SLCO2A1: variants seen among roughly 807,000 people sequenced by gnomAD.
The protein encoded by SLCO2A1 is matrin F/G 1.
A neutral mutation model predicts 71.7 loss-of-function variants in SLCO2A1; 60 were observed. The ratio of observed to expected loss-of-function variants is 0.84; its 90% CI spans 0.68 to 1.04. The LOEUF is 1.04. Ranked by LOEUF, SLCO2A1 falls within the 50% of genes least tolerant of loss-of-function variation. The probability of loss-of-function intolerance (pLI) is 0.00; values close to 1 mark genes in which losing one functional copy is unlikely to be tolerated. For missense variants in SLCO2A1, 745 were observed against 813.4 expected, an observed-to-expected ratio of 0.92 and a Z score of 1.02; for synonymous variants, 308 against 326.7, an observed-to-expected ratio of 0.94 and a Z score of 0.62.
At chr3:133,996,153 A>C (rs1482975123) in intron 1 of SLCO2A1, among the ~76,000 whole-genome samples, 1 of 152,206 alleles carries the variant, frequency 6.6e-6, no homozygotes, top group Non-Finnish European at 1.5e-5. Context: ...GGTTTCATCA[A>C]GAAGAAGTTA....
At chr3:134,012,401 T>C (rs141357394) in intron 1 of SLCO2A1, among the ~76,000 whole-genome samples, 277 of 152,096 alleles carry the variant, frequency 1.8e-3, no homozygotes, top group African/African-American at 6.5e-3. Context: ...ATGCCTGGGG[T>C]GCTACAATGT....
intron 3 of SLCO2A1, among the ~76,000 whole-genome samples, chr3:133,958,600 A>C (rs979684741): frequency 4.6e-5 from 7 of 152,098 alleles, no homozygotes; most frequent in African/African-American, 1.7e-4. Flanking sequence ...ATTTATACAA[A>C]CCCACCTGAC....
chr3:133,938,406 G>T lies in SLCO2A1; in HGVS notation c.1690+23C>A, dbSNP rs773299292. The T allele has an allele frequency of 1.2e-5, 20 of 1,611,812 alleles. No individual in the cohort carries two copies. The Admixed American group carries it at 3.0e-4, about 24-fold the overall frequency. On this transcript the variant is annotated intron_variant, in intron 12 of 13. Transcript: ENST00000310926. ...CCCATCGCCTGGGGCCACTTCTTGG[G>T]AAGAGGGGTCTTAGACACTTACCCA...
In SLCO2A1 at chr3:133,937,368, G is replaced by C. The variant is rs73861261; in HGVS notation, c.1690+1061C>G. On this transcript the variant is annotated intron_variant, in intron 12 of 13. Coordinates refer to ENST00000310926, the MANE Select transcript of SLCO2A1 (RefSeq NM_005630.3). Reference sequence around the variant, plus strand: ...GGCAGCAGGAGCAGGGTCTGAAGGGGCTCTGCAGGGACTAGAGGAACAAGA... The same window carrying C: ...GGCAGCAGGAGCAGGGTCTGAAGGGCCTCTGCAGGGACTAGAGGAACAAGA... Among the ~76,000 whole-genome samples, 1,100 of 152,294 alleles carry C rather than the reference G, an allele frequency of 7.2e-3. 18 individuals are homozygous for C. Among genetic ancestry groups the C allele is most frequent in the African/African-American group, 0.025 (1,048 of 41,566 alleles).
rs182366238 is a variant in SLCO2A1 at position 134,005,583 on chromosome 3, G to A, written c.96+24124C>T. 1.1e-3 allele frequency among the ~76,000 whole-genome samples: 160 copies of A among 149,808 alleles called. 1 individual carries two copies. In the East Asian group the frequency reaches 0.021, roughly 19 times the overall value. The stretch of plus-strand genomic sequence containing the variant: ...TGCAACCTCCGCTTCCCGGGTTCAC[G>A]CCATTCTCCTGTCTCAGCCTCCCGA... On this transcript the variant is annotated intron_variant, in intron 1 of 13. Transcript: ENST00000310926.
intron 1 of SLCO2A1, among the ~76,000 whole-genome samples, chr3:134,010,751 C>CAAAAAAAAAAAAA (rs57260052): frequency 5.6e-5 from 4 of 70,878 alleles, no homozygotes; most frequent in African/African-American, 1.5e-4. Context: ...AGACTCTGTC[C>CAAAAAAAAAAAAA]AAAAAAAAAA....
rs555432256 is a variant in SLCO2A1, at chr3:134,013,268, T to C, written c.96+16439A>G. The stretch of plus-strand genomic sequence containing the variant: ...CCCCAAATACACTGTAAATCAAAGT[T>C]ACAGGAGGAAGTTTTCAAAAGGGCC... On this transcript the variant is annotated intron_variant, in intron 1 of 13. Transcript: ENST00000310926. Among the ~76,000 whole-genome samples, 4 of 152,270 alleles carry C rather than the reference T, an allele frequency of 2.6e-5. No individual in the cohort carries two copies. The South Asian group carries it at 8.3e-4, about 32-fold the overall frequency.
chr3:133,960,052 G>A (rs1000173565), intron 3 of SLCO2A1, among the ~76,000 whole-genome samples: 6 of 152,018 alleles, frequency 3.9e-5, no homozygotes, highest in South Asian at 2.1e-4. Flanking sequence ...CCCAGGAAGC[G>A]GAGCTTGCAG....
intron 1 of SLCO2A1, among the ~76,000 whole-genome samples, chr3:134,029,500 A>G (rs1031457225): frequency 6.7e-6 from 1 of 149,668 alleles, no homozygotes; most frequent in Non-Finnish European, 1.5e-5. Context: ...TCGCACGCAC[A>G]CACACACGCT....
Position 133,981,365 on chromosome 3 carries a change from C to T in SLCO2A1, c.97-1747G>A, listed in dbSNP as rs537728184. ...TCTGGCCTGGACCAGGGAACAATCT[C>T]GGTTTGTGTGTGCTTTTCCCCCTTC... On this transcript the variant is annotated intron_variant, in intron 1 of 13. Transcript: ENST00000310926. Among the ~76,000 whole-genome samples, 11 of 152,284 alleles carry T rather than the reference C, an allele frequency of 7.2e-5. No individual in the cohort carries two copies. In the South Asian group the frequency reaches 1.5e-3, roughly 20 times the overall value.
intron 6 of SLCO2A1, chr3:133,949,189 T>C: frequency 1.7e-6 from 1 of 580,272 alleles, no homozygotes; most frequent in Non-Finnish European, 3.1e-6. Context: ...TCAGAACACA[T>C]CTATGCCAAT....
intron 1 of SLCO2A1, among the ~76,000 whole-genome samples, chr3:134,022,028 T>C (rs1407753654): frequency 6.6e-6 from 1 of 150,792 alleles, no homozygotes; most frequent in African/African-American, 2.4e-5. Flanking sequence ...GAAACCTCAT[T>C]GTGAGCACAC....
Position 133,938,477 on chromosome 3 carries a change from C to A in SLCO2A1, c.1642G>T (p.Glu548Ter). 1 of 1,614,130 alleles carries A rather than the reference C, an allele frequency of 6.2e-7. No individual in the cohort carries two copies. The highest frequency in any genetic ancestry group is 8.5e-7 in the Non-Finnish European group (1 of 1,180,010). The change falls in exon 12 of 14, where the codon GAA (glutamate) becomes TAA (stop). Residue 548 changes from glutamate (E) to a stop codon, truncating the protein, a stop_gained. Transcript: ENST00000310926. LOFTEE classifies it high-confidence loss of function. ...MMVLRVVNQE[E>*]KSFAIGVQFL... ...TGCACCCCGATGGCAAATGACTTTT[C>A]CTCCTGGTTCACCACACTGAAAAGA...
chr3:133,960,753 T>G (rs1934015413), intron 3 of SLCO2A1, among the ~76,000 whole-genome samples: 1 of 152,070 alleles, frequency 6.6e-6, no homozygotes, highest in Non-Finnish European at 1.5e-5. Context: ...GCACAGGACA[T>G]GTGAAGCTGG....
intron 1 of SLCO2A1, among the ~76,000 whole-genome samples, chr3:134,027,050 C>T (rs1336689341): frequency 6.6e-6 from 1 of 152,182 alleles, no homozygotes; most frequent in Non-Finnish European, 1.5e-5. Flanking sequence ...TCATCGCTAC[C>T]TTAGTTCACC....
chr3:133,985,193 T>C (rs767575078), intron 1 of SLCO2A1, among the ~76,000 whole-genome samples: 27 of 152,172 alleles, frequency 1.8e-4, no homozygotes, highest in Non-Finnish European at 2.6e-4. Context: ...GCCAAACAAC[T>C]CCCTGGAGAA....
At position 133,952,264 on chromosome 3, in the gene SLCO2A1, A is replaced by G. The variant is rs531382109; in HGVS notation, c.725-920T>C. 7.2e-5 allele frequency among the ~76,000 whole-genome samples: 11 copies of G among 152,366 alleles called. No homozygotes were observed. In the East Asian group the frequency reaches 2.1e-3, roughly 29 times the overall value. On this transcript the variant is annotated intron_variant, in intron 5 of 13. Transcript: ENST00000310926. ...CTGGCTTTCTACTTTCATTGGAAGT[A>G]CAGCCAAATGACACCATGCAGATGG...
intron 1 of SLCO2A1, among the ~76,000 whole-genome samples, chr3:134,014,017 A>G (rs1173912164): frequency 6.6e-6 from 1 of 152,104 alleles, no homozygotes; most frequent in African/African-American, 2.4e-5. Flanking sequence ...TAACACAGGC[A>G]TTTTAACTGA....
At chr3:133,973,305 G>A (rs899754044) in intron 3 of SLCO2A1, among the ~76,000 whole-genome samples, 12 of 152,196 alleles carry the variant, frequency 7.9e-5, no homozygotes, top group Non-Finnish European at 1.2e-4. Flanking sequence ...CAAATGTCAC[G>A]AAGTGCTATG....
Sources: allele counts gnomAD v4.1 joint callset (sites outside exome capture counted in the v4.1 genomes callset), GRCh38; gene constraint gnomAD v4.1.1; transcripts MANE v1.5; gene names NCBI Gene and HGNC (gene_info 2026-07-23, HGNC 2026-07-21).